The following RANBP2 variants were observed in gnomAD, a reference collection of about 807,000 sequenced individuals.
The protein encoded by RANBP2 is RAN binding protein 2.
A neutral mutation model predicts 303.6 loss-of-function variants in RANBP2; 57 were observed. The ratio of observed to expected loss-of-function variants is 0.19; its 90% CI spans 0.15 to 0.23. The LOEUF (loss-of-function observed/expected upper bound fraction) is 0.23. RANBP2 is among the 10% of genes least tolerant of loss of function. The probability of loss-of-function intolerance (pLI) is 1.00; values close to 1 mark genes in which losing one functional copy is unlikely to be tolerated. For missense variants in RANBP2, 3,138 were observed against 3,780.8 expected (o/e 0.83, Z 4.46); for synonymous variants, 1,167 against 1,301.5 (o/e 0.90, Z 2.23).
chr2:108,913,967 A>AAAAAC, the RANBP2 span, among the ~76,000 whole-genome samples: 1 of 148,740 alleles, frequency 6.7e-6, no homozygotes. Context: ...AAAAAAAAAA[A>AAAAAC]TCTAGAAAAG....
the RANBP2 span, among the ~76,000 whole-genome samples, chr2:108,942,510 C>T: frequency 6.6e-6 from 1 of 152,264 alleles, no homozygotes; most frequent in Non-Finnish European, 1.5e-5. Flanking sequence ...AGGTGAACCA[C>T]GATGAACCAC....
the RANBP2 span, among the ~76,000 whole-genome samples, chr2:108,924,699 C>G: frequency 6.6e-6 from 1 of 152,182 alleles, no homozygotes; most frequent in Non-Finnish European, 1.5e-5. Context: ...CCTCAAAGCC[C>G]TTTATCCTCA....
chr2:109,611,626 G>A, the RANBP2 span, among the ~76,000 whole-genome samples: 1 of 151,440 alleles, frequency 6.6e-6, no homozygotes, highest in Non-Finnish European at 1.5e-5. Flanking sequence ...CGGCTGTGGT[G>A]GTGCACACCT....
the RANBP2 span, among the ~76,000 whole-genome samples, chr2:108,851,133 A>C: frequency 6.6e-6 from 1 of 152,094 alleles, no homozygotes; most frequent in Non-Finnish European, 1.5e-5. Context: ...GTTTATTATA[A>C]AGGATATTGC....
the RANBP2 span, among the ~76,000 whole-genome samples, chr2:109,085,888 A>C: frequency 6.6e-6 from 1 of 152,068 alleles, no homozygotes; most frequent in Non-Finnish European, 1.5e-5. Context: ...TACAGGTGTG[A>C]GCCACCACAC....
chr2:109,340,613 C>T, the RANBP2 span, among the ~76,000 whole-genome samples: 7 of 152,298 alleles, frequency 4.6e-5, no homozygotes, highest in South Asian at 2.1e-4. Flanking sequence ...TTCCTGGCCC[C>T]GGCACCCAGG....
At chr2:109,326,339 G>A in the RANBP2 span, among the ~76,000 whole-genome samples, 1 of 152,090 alleles carries the variant, frequency 6.6e-6, no homozygotes, top group Non-Finnish European at 1.5e-5. Context: ...CAGTTAATGG[G>A]TATTTCAGTT....
chr2:109,456,375 G>A, the RANBP2 span, among the ~76,000 whole-genome samples: 3 of 152,346 alleles, frequency 2.0e-5, no homozygotes, highest in Non-Finnish European at 2.9e-5. Context: ...TCCTGAAAGC[G>A]TGAATCCCAG....
the RANBP2 span, among the ~76,000 whole-genome samples, chr2:109,114,631 C>T: frequency 2.0e-5 from 3 of 151,922 alleles, no homozygotes; most frequent in African/African-American, 2.4e-5. Flanking sequence ...TCTCTATTTC[C>T]TTCAGTTCTG....
At chr2:109,267,253 T>G in the RANBP2 span, among the ~76,000 whole-genome samples, 1 of 152,056 alleles carries the variant, frequency 6.6e-6, no homozygotes, top group Non-Finnish European at 1.5e-5. Flanking sequence ...AGGCACACAA[T>G]GGAACCAGAC....
chr2:108,725,614 G>A (rs2149080853), intron 1 of RANBP2, among the ~76,000 whole-genome samples: 1 of 152,194 alleles, frequency 6.6e-6, no homozygotes, highest in African/African-American at 2.4e-5. Context: ...ACAAAAATTA[G>A]CTGGGCATGG....
At chr2:108,757,592 A>G (rs1302296767) in intron 17 of RANBP2, among the ~76,000 whole-genome samples, 1 of 152,138 alleles carries the variant, frequency 6.6e-6, no homozygotes, top group African/African-American at 2.4e-5. Context: ...CTTGAGAATT[A>G]GTTGTATTTT....
chr2:108,807,273 C>T, the RANBP2 span, among the ~76,000 whole-genome samples: 2 of 151,908 alleles, frequency 1.3e-5, no homozygotes, highest in African/African-American at 2.4e-5. Flanking sequence ...TAGCATAGGT[C>T]CATTTTTGCC....
chr2:108,733,071 G>A (rs1414542614), intron 4 of RANBP2, among the ~76,000 whole-genome samples: 6 of 152,138 alleles, frequency 3.9e-5, no homozygotes, highest in Admixed American at 6.6e-5. Context: ...TGATCTGCCT[G>A]CCCCAGCCTC....
the RANBP2 span, among the ~76,000 whole-genome samples, chr2:109,549,397 A>G: frequency 6.6e-6 from 1 of 152,180 alleles, no homozygotes; most frequent in Admixed American, 6.5e-5. Context: ...GGAAAACTAC[A>G]AAGAGGGAAA....
the RANBP2 span, among the ~76,000 whole-genome samples, chr2:109,347,456 T>C: frequency 6.6e-6 from 1 of 152,084 alleles, no homozygotes; most frequent in Non-Finnish European, 1.5e-5. Context: ...TTAGGAGGAA[T>C]GGCTAGGATG....
chr2:109,600,001 T>C, the RANBP2 span, among the ~76,000 whole-genome samples: 1 of 152,222 alleles, frequency 6.6e-6, no homozygotes, highest in Non-Finnish European at 1.5e-5. Context: ...CCTAGTCCTG[T>C]GGCCTACAAA....
At chr2:109,212,050 G>A in the RANBP2 span, among the ~76,000 whole-genome samples, 2 of 152,232 alleles carry the variant, frequency 1.3e-5, no homozygotes, top group African/African-American at 4.8e-5. Flanking sequence ...TGGGCTTTGC[G>A]GAATTCCAGG....
chr2:109,149,571 G>T, the RANBP2 span, among the ~76,000 whole-genome samples: 1 of 152,150 alleles, frequency 6.6e-6, no homozygotes, highest in South Asian at 2.1e-4. Context: ...TAAGGCAGCC[G>T]TCCCTGGGTC....
Sources: allele counts gnomAD v4.1 joint callset (sites outside exome capture counted in the v4.1 genomes callset), GRCh38; gene constraint gnomAD v4.1.1; transcripts MANE v1.5; gene names NCBI Gene and HGNC (gene_info 2026-07-23, HGNC 2026-07-21).